Variants in OTOR observed in about 807,000 individuals in gnomAD.
OTOR encodes the protein otoraplin, also known as fibrocyte-derived protein.
OTOR carries 20 observed loss-of-function variants against 15.9 expected under a neutral mutation model. The observed-to-expected ratio is 1.26, with a 90% confidence interval of 0.89 to 1.83. The LOEUF (loss-of-function observed/expected upper bound fraction) is 1.83, where lower values mean the gene tolerates loss of function less well. Among genes scored for constraint, OTOR ranks in the 40% most tolerant of loss-of-function variants. The pLI is 0.00. For synonymous variants in OTOR, 53 were observed against 54.2 expected, an observed-to-expected ratio of 0.98 and a Z score of 0.09; for missense variants, 184 against 159.0, an observed-to-expected ratio of 1.16 and a Z score of -0.85.
At chr20:16,749,717 A>G (rs2072515835) in intron 2 of OTOR, 186 bp from the exon 3 acceptor site, 5 of 576,980 alleles carry the variant, frequency 8.7e-6, no homozygotes, top group South Asian at 2.2e-5. Flanking sequence ...TAGATGCACA[A>G]TTCCTGCGGG....
rs749058920 is a variant in OTOR at position 16,749,018 on chromosome 20, T to A, written c.255+12T>A. 10 of 1,585,636 alleles carry A rather than the reference T, an allele frequency of 6.3e-6. No individual in the cohort carries two copies. The Admixed American group carries it at 1.8e-4, about 29-fold the overall frequency. ...TTTGGGCTGGCAGTGTAAGATAATT[T>A]AAACACCTATTGACGAATATTGCTC... On this transcript the variant is annotated intron_variant, in intron 2 of 3. Transcript: ENST00000246081.
intron 1 of OTOR, 134 bp from the exon 2 acceptor site, chr20:16,748,733 C>T (rs906752555): frequency 2.5e-5 from 19 of 767,226 alleles, no homozygotes; most frequent in East Asian, 2.8e-5. Context: ...TCTTCTTTCT[C>T]TTGGATAGAC....
At chr20:16,750,510 C>A (rs370808539) in intron 3 of OTOR, among the ~76,000 whole-genome samples, 1 of 149,276 alleles carries the variant, frequency 6.7e-6, no homozygotes, top group African/African-American at 2.5e-5. Flanking sequence ...AGTTGTCTTG[C>A]AAAGCAGTCT....
rs751148582 is a variant in OTOR at position 16,748,902 on chromosome 20, A to C, written c.151A>C (p.Asn51His). ...ISLASAQEDY[N>H]APDCRFINVK... ...TCTGGCTAGTGCTCAAGAAGATTAT[A>C]ATGCCCCGGACTGTAGATTCATTAA... Residue 51 changes from asparagine to histidine, a missense_variant, in exon 2 of 4, where the codon AAT (asparagine) becomes CAT (histidine). Transcript: ENST00000246081. The C allele has an allele frequency of 1.7e-5, 28 of 1,602,168 alleles. No individual in the cohort carries two copies. The highest frequency in any genetic ancestry group is 2.3e-5 in the Non-Finnish European group (27 of 1,175,830).
chr20:16,751,051 T>C (rs2072525899), intron 3 of OTOR, 44 bp from the exon 4 acceptor site: 2 of 1,451,840 alleles, frequency 1.4e-6, no homozygotes, highest in Non-Finnish European at 1.9e-6. Flanking sequence ...TTTTTTAGCC[T>C]AGGCTATTTC....
intron 3 of OTOR, 71 bp downstream of exon 3, chr20:16,750,081 T>A (rs371307270): frequency 1.0e-6 from 1 of 971,550 alleles, no homozygotes; most frequent in East Asian, 2.6e-5. Context: ...TAAAAATGCA[T>A]CATGCAACTT....
At chr20:16,751,043 T>C in intron 3 of OTOR, 52 bp from the exon 4 acceptor site, 1 of 1,402,166 alleles carries the variant, frequency 7.1e-7, no homozygotes, top group Non-Finnish European at 9.7e-7. Flanking sequence ...ACATCTGTTT[T>C]TTTAGCCTAG....
chr20:16,750,527 CAAAT>C (rs111820111), intron 3 of OTOR, among the ~76,000 whole-genome samples: 23,679 of 151,866 alleles, frequency 0.16, 1,876 homozygotes, highest in South Asian at 0.25. Context: ...GTCTATGTAA[CAAAT>C]AAAGAAACCA....
intron 2 of OTOR, 31 bp downstream of exon 2, chr20:16,749,037 A>G: frequency 6.5e-7 from 1 of 1,528,624 alleles, no homozygotes; most frequent in Non-Finnish European, 8.9e-7. Context: ...ATTGACGAAT[A>G]TTGCTCTTAA....
rs2122519592 is a variant in OTOR, at chr20:16,749,012, A to ATGAGC, written c.255+7_255+8insGAGCT. On this transcript the variant is annotated splice_region_variant and intron_variant, in intron 2 of 3. Transcript: ENST00000246081. Reference sequence around the variant, plus strand: ...GAGAATTTTGGGCTGGCAGTGTAAGATAATTTAAACACCTATTGACGAATA... The same window carrying ATGAGC: ...GAGAATTTTGGGCTGGCAGTGTAAGATGAGCTAATTTAAACACCTATTGACGAATA... The ATGAGC allele has an allele frequency of 6.3e-7, 1 of 1,597,870 alleles. No individual in the cohort carries two copies.
At chr20:16,750,703 A>C (rs562822763) in intron 3 of OTOR, among the ~76,000 whole-genome samples, 13 of 152,336 alleles carry the variant, frequency 8.5e-5, no homozygotes, top group East Asian at 7.7e-4. Flanking sequence ...TACTCTTCCT[A>C]ATGCCCTGGG....
chr20:16,750,023 A>G lies in OTOR; in HGVS notation c.363+13A>G, dbSNP rs544935386. 5 of 1,538,504 alleles carry G rather than the reference A, an allele frequency of 3.2e-6. No homozygotes were observed. Among genetic ancestry groups the G allele is most frequent in the Non-Finnish European group, 4.5e-6 (5 of 1,112,048 alleles). On this transcript the variant is annotated intron_variant, in intron 3 of 3. Transcript: ENST00000246081. ...AGTTCCCACCACGGTAAGCATCTCA[A>G]AAGTGACTAGACAAGGACTCAGATC...
intron 3 of OTOR, 42 bp downstream of exon 3, chr20:16,750,052 G>A (rs754975864): frequency 7.0e-6 from 9 of 1,281,310 alleles, no homozygotes; most frequent in Non-Finnish European, 1.0e-5. Context: ...TCAGATCTTG[G>A]GGCAATGTAG....
At chr20:16,749,686 T>C (rs1484373675) in intron 2 of OTOR, 3 of 509,212 alleles carry the variant, frequency 5.9e-6, no homozygotes, top group Non-Finnish European at 1.0e-5. Flanking sequence ...AGTAGCGAAA[T>C]AAGACTGGGC....
Position 16,751,990 on chromosome 20 carries a change from T to A in OTOR, c.*872T>A, listed in dbSNP as rs1000507563. ...CTGTGCAAATTCCTCTAGTCAAGTGTGATATATCAAGAAATCTGAGGAGGA... is the reference window on the plus strand; with the variant it reads ...CTGTGCAAATTCCTCTAGTCAAGTGAGATATATCAAGAAATCTGAGGAGGA... On this transcript the variant is annotated 3_prime_UTR_variant, in exon 4 of 4. Coordinates refer to ENST00000246081, the MANE Select transcript of OTOR (RefSeq NM_020157.4). 2.6e-5 allele frequency: 4 copies of A among 152,204 alleles called. No homozygotes were observed. The highest frequency in any genetic ancestry group is 1.3e-4 in the Admixed American group (2 of 15,278). The allele number at this position is 152,204 out of a possible 1,614,324, so 9.4% of individuals were successfully genotyped here.
At chr20:16,750,974 C>A (rs2072525327) in intron 3 of OTOR, 121 bp from the exon 4 acceptor site, 4 of 761,270 alleles carry the variant, frequency 5.3e-6, no homozygotes, top group African/African-American at 1.8e-5. Flanking sequence ...TGGGGGTCAA[C>A]CTTTACTTAC....
At chr20:16,748,728 T>C (rs2072508429) in intron 1 of OTOR, 139 bp from the exon 2 acceptor site, 1 of 759,606 alleles carries the variant, frequency 1.3e-6, no homozygotes. Context: ...GGCTGTCTTC[T>C]TTCTCTTGGA....
chr20:16,748,675 G>A (rs776643403), intron 1 of OTOR, among the ~76,000 whole-genome samples, 159 bp downstream of exon 1: 1 of 152,208 alleles, frequency 6.6e-6, no homozygotes, highest in South Asian at 2.1e-4. Flanking sequence ...ATCTTACTAC[G>A]GAGAATTCAC....
At chr20:16,749,694 G>A (rs1351999462) in intron 2 of OTOR, 5 of 521,702 alleles carry the variant, frequency 9.6e-6, no homozygotes, top group African/African-American at 1.9e-5. Flanking sequence ...AATAAGACTG[G>A]GCCACTAAAC....
Sources: allele counts gnomAD v4.1 joint callset (sites outside exome capture counted in the v4.1 genomes callset), GRCh38; gene constraint gnomAD v4.1.1; transcripts MANE v1.5; gene names NCBI Gene and HGNC (gene_info 2026-07-23, HGNC 2026-07-21).